LAMA3: variants seen among roughly 807,000 people sequenced by gnomAD.
The protein encoded by LAMA3 is laminin subunit alpha-3.
LAMA3 carries 281 observed loss-of-function variants against 402.0 expected under a neutral mutation model. That is an observed-to-expected ratio of 0.70 (90% confidence interval 0.63 to 0.77). LAMA3 has a LOEUF of 0.77. Among genes scored for constraint, LAMA3 ranks in the 30% least tolerant of loss-of-function variants. The pLI is 0.00. For synonymous variants in LAMA3, 1,431 were observed against 1,558.4 expected, an observed-to-expected ratio of 0.92 and a Z score of 1.93; for missense variants, 3,840 against 4,215.5, an observed-to-expected ratio of 0.91 and a Z score of 2.47.
intron 8 of LAMA3, among the ~76,000 whole-genome samples, chr18:23,766,705 G>A (rs1446546635): frequency 6.6e-6 from 1 of 152,084 alleles, no homozygotes; most frequent in Admixed American, 6.5e-5. Flanking sequence ...CAGGCATGGT[G>A]GTGTGCACCT....
chr18:23,928,205 G>T lies in LAMA3; in HGVS notation c.8260G>T (p.Val2754Leu), dbSNP rs1388253245. Residue 2754 changes from valine to leucine, a missense_variant, in exon 63 of 75, where the codon GTG becomes TTG. Transcript: ENST00000313654. ...TSGVVRLNDT[V>L]GVTKKCSEDW... is the part of the protein sequence containing the mutation. ...TGGTGTCGTTAGATTGAATGATACT[G>T]TGGGAGTAACCAAAAAGTGCTCGGA... 2 of 1,613,448 alleles carry T rather than the reference G, an allele frequency of 1.2e-6. No individual in the cohort carries two copies. Among genetic ancestry groups the T allele is most frequent in the African/African-American group, 2.7e-5 (2 of 74,926 alleles).
At chr18:23,889,293 G>A (rs1259181867) in intron 41 of LAMA3, among the ~76,000 whole-genome samples, 1 of 152,034 alleles carries the variant, frequency 6.6e-6, no homozygotes, top group Non-Finnish European at 1.5e-5. Flanking sequence ...CAGGCCTGGT[G>A]GCATGCACCT....
At position 23,914,800 on chromosome 18, in the gene LAMA3, C is replaced by G; in HGVS notation, c.7584C>G (p.Leu2528=). 6.2e-7 allele frequency: 1 copy of G among 1,613,300 alleles called. No individual in the cohort carries two copies. Among genetic ancestry groups the G allele is most frequent in the Non-Finnish European group, 8.5e-7 (1 of 1,179,310 alleles). ...YDMDGRNSNT[L]LNLDPENVVF... is the part of the protein sequence containing the mutation. ...TGGATGGTAGAAATAGCAATACACT[C>G]CTTAATTTGGATCCTGAAAATGTTG... The change falls in exon 58 of 75, where the codon CTC becomes CTG. Residue 2528 remains leucine (L), a synonymous_variant. Transcript: ENST00000313654.
chr18:23,812,999 C>G, intron 13 of LAMA3, 58 bp from the exon 14 acceptor site: 1 of 1,200,666 alleles, frequency 8.3e-7, no homozygotes, highest in Non-Finnish European at 1.2e-6. Context: ...CTTGAAACAT[C>G]AAAACAAAGA....
At chr18:23,790,535 A>G (rs531443859) in intron 12 of LAMA3, among the ~76,000 whole-genome samples, 2 of 152,346 alleles carry the variant, frequency 1.3e-5, no homozygotes, top group East Asian at 3.9e-4. Flanking sequence ...GCTTCTGAGT[A>G]TGGGAAGTAG....
At chr18:23,795,977 C>G (rs1330065413) in intron 12 of LAMA3, 1 of 332,128 alleles carries the variant, frequency 3.0e-6, no homozygotes, top group East Asian at 9.0e-5. Context: ...TAAGAAGAGA[C>G]ACAAGATAGC....
intron 6 of LAMA3, among the ~76,000 whole-genome samples, chr18:23,757,163 C>G (rs1434326195): frequency 6.6e-6 from 1 of 152,008 alleles, no homozygotes; most frequent in Non-Finnish European, 1.5e-5. Flanking sequence ...CTGACGCACG[C>G]TCCTAGGAAA....
chr18:23,706,354 C>T (rs2060888846), intron 1 of LAMA3, among the ~76,000 whole-genome samples: 1 of 152,120 alleles, frequency 6.6e-6, no homozygotes, highest in East Asian at 1.9e-4. Flanking sequence ...GAGTAGAATG[C>T]CGTATCATAG....
intron 2 of LAMA3, among the ~76,000 whole-genome samples, chr18:23,741,393 T>C (rs1456303618): frequency 1.3e-5 from 2 of 152,172 alleles, no homozygotes; most frequent in Admixed American, 6.5e-5. Context: ...TCCCTGGCCT[T>C]GGTTGTTCTG....
intron 7 of LAMA3, among the ~76,000 whole-genome samples, chr18:23,759,594 A>T (rs2061927866): frequency 6.6e-6 from 1 of 152,064 alleles, no homozygotes; most frequent in Non-Finnish European, 1.5e-5. Flanking sequence ...TTTAGTAGGG[A>T]TGGGGTTTCG....
chr18:23,742,289 A>C (rs1461190651), intron 2 of LAMA3, among the ~76,000 whole-genome samples: 3 of 152,306 alleles, frequency 2.0e-5, no homozygotes, highest in African/African-American at 7.2e-5. Flanking sequence ...CAGTGTCAGG[A>C]AGGACAAAAC....
chr18:23,697,971 G>A (rs1324913413), intron 1 of LAMA3, among the ~76,000 whole-genome samples: 1 of 151,918 alleles, frequency 6.6e-6, no homozygotes, highest in Non-Finnish European at 1.5e-5. Flanking sequence ...TTCTCTGTGC[G>A]TATGTGTCCC....
chr18:23,817,287 T>C (rs2063195185), intron 18 of LAMA3, among the ~76,000 whole-genome samples: 1 of 152,214 alleles, frequency 6.6e-6, no homozygotes, highest in African/African-American at 2.4e-5. Flanking sequence ...ATCCATGATT[T>C]TTCCTCTGTG....
chr18:23,815,467 G>A lies in LAMA3; in HGVS notation c.1942-1G>A, dbSNP rs1187811332. 3.1e-6 allele frequency: 5 copies of A among 1,611,578 alleles called. No homozygotes were observed. The highest frequency in any genetic ancestry group is 4.2e-6 in the Non-Finnish European group (5 of 1,177,654). ...TTGTCATCTGGCTCACTGTTCTGCA[G>A]GGAGATGGTGACTGTCACTGCAAGT... On this transcript the variant is annotated splice_acceptor_variant, in intron 16 of 74. Transcript: ENST00000313654. LOFTEE classifies it high-confidence loss of function.
At chr18:23,765,301 C>A (rs2062052915) in intron 8 of LAMA3, among the ~76,000 whole-genome samples, 1 of 152,144 alleles carries the variant, frequency 6.6e-6, no homozygotes, top group Non-Finnish European at 1.5e-5. Flanking sequence ...GCAGGGAAAT[C>A]CCTAATTCTG....
intron 52 of LAMA3, 28 bp from the exon 53 acceptor site, chr18:23,907,522 T>C (rs1599061209): frequency 1.4e-6 from 2 of 1,478,106 alleles, no homozygotes; most frequent in East Asian, 4.5e-5. Flanking sequence ...ACAAAGTAAT[T>C]GCCTCCTGAT....
chr18:23,938,467 C>A (rs1199446446), intron 67 of LAMA3, among the ~76,000 whole-genome samples: 1 of 152,172 alleles, frequency 6.6e-6, no homozygotes, highest in East Asian at 1.9e-4. Flanking sequence ...AAAACTCAGT[C>A]CCATTCAAAA....
intron 12 of LAMA3, among the ~76,000 whole-genome samples, chr18:23,808,793 G>A (rs1325951440): frequency 6.6e-6 from 1 of 152,208 alleles, no homozygotes; most frequent in East Asian, 1.9e-4. Context: ...CATGGGCTGG[G>A]CTGTCACAGA....
chr18:23,901,128 G>C lies in LAMA3; in HGVS notation c.6006G>C (p.Leu2002Phe). 6.2e-7 allele frequency: 1 copy of C among 1,613,728 alleles called. No individual in the cohort carries two copies. Among genetic ancestry groups the C allele is most frequent in the Non-Finnish European group, 8.5e-7 (1 of 1,179,652 alleles). Reference sequence around the variant, plus strand: ...AAAACATGAGGTGATGTATTACAGTGCTGAACCGGATAAGGACCTGGCAGA... The same window carrying C: ...AAAACATGAGGTGATGTATTACAGTCCTGAACCGGATAAGGACCTGGCAGA... ...AEADKRESQL[L>F]LNRIRTWQKT... Residue 2002 changes from leucine (L) to phenylalanine (F), a missense_variant and splice_region_variant, in exon 48 of 75, where the codon TTG (leucine) becomes TTC (phenylalanine). This residue lies in a region of LAMA3 where 891 missense variants were observed against 857.5 expected (regional missense o/e 1.04). Coordinates refer to ENST00000313654, the MANE Select transcript of LAMA3 (RefSeq NM_198129.4).
Sources: gnomAD v4.1 joint callset for allele counts (sites outside exome capture counted in the v4.1 genomes callset) on GRCh38, gnomAD v4.1.1 for gene constraint, gnomAD v4.1.1 regional missense constraint, MANE v1.5 for transcripts, NCBI Gene and HGNC (gene_info 2026-07-23, HGNC 2026-07-21) for gene names.